The following DPYSL5 variants were observed in gnomAD, a reference collection of about 807,000 sequenced individuals.
DPYSL5 encodes dihydropyrimidinase-related protein 5.
A neutral mutation model predicts 58.4 loss-of-function variants in DPYSL5; 9 were observed. The observed-to-expected ratio is 0.15, with a 90% CI of 0.09 to 0.27. The LOEUF is 0.27. Among genes scored for constraint, DPYSL5 ranks in the 10% least tolerant of loss-of-function variants. The pLI, the probability that DPYSL5 is intolerant of heterozygous loss-of-function variation, is 1.00. For synonymous variants in DPYSL5, 293 were observed against 301.9 expected (o/e 0.97, Z 0.31); for missense variants, 499 against 770.6 (o/e 0.65, Z 4.17).
In DPYSL5 at chr2:26,861,652, T is replaced by C. The variant is rs761680466; in HGVS notation, c.-5+13398T>C. ...TGCTCCTATAGAATTGGCTTCCTCA[T>C]GTAGAGCATTCATTTCATTTTGCCT... On this transcript the variant is annotated intron_variant, in intron 1 of 12. Transcript: ENST00000288699. Among the ~76,000 whole-genome samples, 13 of 152,314 alleles carry C rather than the reference T, an allele frequency of 8.5e-5. No individual in the cohort carries two copies. In the South Asian group the frequency reaches 2.5e-3, roughly 29 times the overall value.
chr2:26,921,315 C>T (rs1664697519), intron 2 of DPYSL5, among the ~76,000 whole-genome samples: 1 of 152,210 alleles, frequency 6.6e-6, no homozygotes, highest in Middle Eastern at 3.2e-3. Flanking sequence ...GCCTGACCAA[C>T]ATGGTGAAAC....
At position 26,934,432 on chromosome 2, in the gene DPYSL5, C is replaced by T; in HGVS notation, c.791-146C>T. The stretch of plus-strand genomic sequence containing the variant: ...GGAGGCTCTCTGGGCTTGAACCCAG[C>T]TGTGCTCTTAAAAGCCCTGTGAGCT... On this transcript the variant is annotated intron_variant, in intron 7 of 12. Coordinates refer to ENST00000288699, the MANE Select transcript of DPYSL5 (RefSeq NM_020134.4). The surrounding 1 kb of genome is among the most constrained non-coding windows in gnomAD (Gnocchi z 4.3). 1 of 947,334 alleles carries T rather than the reference C, an allele frequency of 1.1e-6. No individual in the cohort carries two copies. Among genetic ancestry groups the T allele is most frequent in the Non-Finnish European group, 1.5e-6 (1 of 648,840 alleles). The allele number at this position is 947,334 out of a possible 1,614,324, so 58.7% of individuals were successfully genotyped here.
At chr2:26,923,737 T>C (rs983945327) in intron 2 of DPYSL5, among the ~76,000 whole-genome samples, 1 of 152,208 alleles carries the variant, frequency 6.6e-6, no homozygotes, top group Non-Finnish European at 1.5e-5. Flanking sequence ...CTTGGCTCAC[T>C]GCGACCTCCA....
intron 11 of DPYSL5, among the ~76,000 whole-genome samples, chr2:26,943,842 C>G (rs1357740208): frequency 6.6e-6 from 1 of 152,212 alleles, no homozygotes; most frequent in Non-Finnish European, 1.5e-5. Flanking sequence ...TTTGTGAGTA[C>G]AGAATTAGCT....
intron 1 of DPYSL5, among the ~76,000 whole-genome samples, chr2:26,869,818 T>C (rs557869171): frequency 2.0e-4 from 31 of 152,202 alleles, no homozygotes; most frequent in Middle Eastern, 3.4e-3. Context: ...GAGACCATCC[T>C]GGCTAACACG....
chr2:26,910,677 A>G (rs1211819336), intron 2 of DPYSL5, among the ~76,000 whole-genome samples: 2 of 140,666 alleles, frequency 1.4e-5, no homozygotes, highest in Non-Finnish European at 3.0e-5. Context: ...CTGGTCCTGA[A>G]TGATTGACCT....
intron 11 of DPYSL5, among the ~76,000 whole-genome samples, chr2:26,943,611 A>G (rs1665383356): frequency 6.6e-6 from 1 of 152,196 alleles, no homozygotes; most frequent in African/African-American, 2.4e-5. Context: ...CCTCTGCAGT[A>G]ATAACTGCTC....
At position 26,944,652 on chromosome 2, in the gene DPYSL5, C is replaced by G. The variant is rs370632562; in HGVS notation, c.1441-4C>G. 3.8e-5 allele frequency: 61 copies of G among 1,613,138 alleles called. No individual in the cohort carries two copies. The highest frequency in any genetic ancestry group is 5.1e-5 in the Non-Finnish European group (60 of 1,179,530). On this transcript the variant is annotated splice_polypyrimidine_tract_variant and splice_region_variant and intron_variant, in intron 11 of 12. Transcript: ENST00000288699. The surrounding 1 kb of genome is among the most constrained non-coding windows in gnomAD (Gnocchi z 4.4). ...TCTTCTGCTCTTCTTCCATCCTTCC[C>G]TAGACTTTAAAGGTTAGAGGAGTGG...
At chr2:26,929,036 G>A (rs1012077736) in intron 5 of DPYSL5, among the ~76,000 whole-genome samples, 3 of 152,122 alleles carry the variant, frequency 2.0e-5, no homozygotes, top group South Asian at 2.1e-4. Context: ...GTACAGGACC[G>A]CAGAGCAGGA....
chr2:26,898,669 T>C lies in DPYSL5; in HGVS notation c.170T>C (p.Leu57Pro), dbSNP rs761738108. ...AAGGTGATTGATGCCACAGGAAAAC[T>C]GGTGATCCCTGGTGGCATCGACACC... ...GAKVIDATGK[L>P]VIPGGIDTST... The change falls in exon 2 of 13, where the codon CTG becomes CCG. Residue 57 changes from leucine to proline, a missense_variant. By Grantham distance (98) the Leu-to-Pro change is moderately conservative (BLOSUM62 -3). Coordinates refer to ENST00000288699, the MANE Select transcript of DPYSL5 (RefSeq NM_020134.4). The surrounding 1 kb of genome is among the most constrained non-coding windows in gnomAD (Gnocchi z 6.1). The C allele has an allele frequency of 6.2e-7, 1 of 1,614,132 alleles. No individual in the cohort carries two copies. Among genetic ancestry groups the C allele is most frequent in the South Asian group, 1.1e-5 (1 of 91,074 alleles).
intron 1 of DPYSL5, among the ~76,000 whole-genome samples, chr2:26,856,252 A>G (rs567022079): frequency 1.3e-5 from 2 of 152,346 alleles, no homozygotes; most frequent in African/African-American, 4.8e-5. Flanking sequence ...ATTATTTAAA[A>G]AAGGGAAAAA....
At chr2:26,857,296 C>T (rs989941347) in intron 1 of DPYSL5, among the ~76,000 whole-genome samples, 18 of 152,042 alleles carry the variant, frequency 1.2e-4, no homozygotes, top group Non-Finnish European at 8.8e-5. Context: ...CAGCACTTTT[C>T]GGGCACAAGG....
At chr2:26,946,857 T>C (rs1665499051) in intron 12 of DPYSL5, 53 bp from the exon 13 acceptor site, 2 of 1,469,660 alleles carry the variant, frequency 1.4e-6, no homozygotes, top group Non-Finnish European at 9.5e-7. Flanking sequence ...GTGTCTGTGG[T>C]TTGTTAGCAG....
intron 6 of DPYSL5, among the ~76,000 whole-genome samples, chr2:26,932,099 G>GAA (rs1558351268): frequency 0.022 from 1,573 of 72,752 alleles, 233 homozygotes; most frequent in African/African-American, 0.054. Context: ...AAAAGAAAGA[G>GAA]AAAGAAAGAA....
chr2:26,929,666 G>A (rs1005722865), intron 5 of DPYSL5, among the ~76,000 whole-genome samples: 6 of 152,198 alleles, frequency 3.9e-5, no homozygotes, highest in Admixed American at 6.5e-5. Flanking sequence ...GGGGACTGCC[G>A]CTTTGGACCC....
intron 6 of DPYSL5, 138 bp downstream of exon 6, chr2:26,931,822 A>T: frequency 1.2e-6 from 1 of 817,686 alleles, no homozygotes; most frequent in East Asian, 2.8e-5. Flanking sequence ...AGCCTGGCCA[A>T]CATGGTGAAA....
chr2:26,937,301 G>T (rs1432951457), intron 8 of DPYSL5, among the ~76,000 whole-genome samples: 1 of 152,042 alleles, frequency 6.6e-6, no homozygotes, highest in African/African-American at 2.4e-5. Context: ...TTTGTGTTAT[G>T]ATAATAGTCT....
intron 8 of DPYSL5, among the ~76,000 whole-genome samples, chr2:26,936,945 TAA>T (rs55795892): frequency 2.6e-5 from 2 of 77,872 alleles, no homozygotes; most frequent in South Asian, 6.3e-4. Context: ...AGACTTCATT[TAA>T]AAAAAAAAAA....
chr2:26,905,128 G>A lies in DPYSL5; in HGVS notation c.261+6368G>A, dbSNP rs1243868914. On this transcript the variant is annotated intron_variant, in intron 2 of 12. Transcript: ENST00000288699. The surrounding 1 kb of genome is among the most constrained non-coding windows in gnomAD (Gnocchi z 4.0). ...CCAAATTTTGCTGGACCAGATGAGG[G>A]TGTCTCAGAATGGATTTGCATCAGG... Among the ~76,000 whole-genome samples the A allele has an allele frequency of 6.6e-6, 1 of 152,166 alleles. No individual in the cohort carries two copies. Among genetic ancestry groups the A allele is most frequent in the Non-Finnish European group, 1.5e-5 (1 of 68,022 alleles).
Sources: gnomAD v4.1 joint callset for allele counts (sites outside exome capture counted in the v4.1 genomes callset) on GRCh38, gnomAD v4.1.1 for gene constraint, Gnocchi (gnomAD v3.1) non-coding constraint, MANE v1.5 for transcripts, NCBI Gene and HGNC (gene_info 2026-07-23, HGNC 2026-07-21) for gene names.